NRXN3: variants seen among roughly 807,000 people sequenced by gnomAD.
The protein encoded by NRXN3 is neurexin III.
A neutral mutation model predicts 137.6 loss-of-function variants in NRXN3; 32 were observed. The observed-to-expected ratio is 0.23, with a 90% CI of 0.18 to 0.31. The LOEUF is 0.31. NRXN3 is among the 10% of genes least tolerant of loss of function. The pLI, the probability that NRXN3 is intolerant of heterozygous loss-of-function variation, is 1.00. For missense variants in NRXN3, 1,574 were observed against 2,062.5 expected (o/e 0.76, Z 4.59); for synonymous variants, 798 against 784.5 (o/e 1.02, Z -0.29).
At chr14:79,522,223 G>A (rs2097073134) in intron 16 of NRXN3, among the ~76,000 whole-genome samples, 1 of 152,156 alleles carries the variant, frequency 6.6e-6, no homozygotes, top group African/African-American at 2.4e-5. Flanking sequence ...AGTAGGAGGG[G>A]ATAGAGCAAG....
At chr14:78,630,597 C>CTTTTTTTTTTTTTTTTTTTTTTT (rs370862037) in intron 4 of NRXN3, among the ~76,000 whole-genome samples, 1 of 127,838 alleles carries the variant, frequency 7.8e-6, no homozygotes, top group Admixed American at 8.2e-5. Context: ...TTCTTTCTTT[C>CTTTTTTTTTTTTTTTTTTTTTTT]TTTTTTTTTT....
At chr14:79,070,490 T>C (rs2099686257) in intron 15 of NRXN3, among the ~76,000 whole-genome samples, 1 of 152,200 alleles carries the variant, frequency 6.6e-6, no homozygotes, top group Non-Finnish European at 1.5e-5. Flanking sequence ...TTCAATGCTT[T>C]TTGGAAAATG....
intron 15 of NRXN3, among the ~76,000 whole-genome samples, chr14:79,256,038 G>C (rs918451118): frequency 6.6e-6 from 1 of 152,132 alleles, no homozygotes; most frequent in African/African-American, 2.4e-5. Context: ...GATTGCTTCA[G>C]GGTGAATACT....
In NRXN3 at chr14:79,044,450, G is replaced by C. The variant is rs2099629796; in HGVS notation, c.3262+56309G>C. On this transcript the variant is annotated intron_variant, in intron 15 of 20. Coordinates refer to ENST00000335750, the MANE Select transcript of NRXN3 (RefSeq NM_001330195.2). ...TTAAGTCTCCCTTTTTCATGTGTAA[G>C]ACAAGGGAGAATAATGATTGTACCT... 1.3e-5 allele frequency among the ~76,000 whole-genome samples: 2 copies of C among 152,160 alleles called. 1 individual carries two copies. The highest frequency in any genetic ancestry group is 4.1e-4 in the South Asian group (2 of 4,828).
chr14:79,087,704 A>G (rs530017563), intron 15 of NRXN3, among the ~76,000 whole-genome samples: 26 of 152,216 alleles, frequency 1.7e-4, no homozygotes, highest in South Asian at 1.2e-3. Flanking sequence ...GTTCCATTTA[A>G]CCCAATCAAA....
At chr14:79,141,956 T>G (rs2058823190) in intron 15 of NRXN3, among the ~76,000 whole-genome samples, 1 of 152,130 alleles carries the variant, frequency 6.6e-6, no homozygotes, top group Admixed American at 6.5e-5. Flanking sequence ...ACCATCAGCT[T>G]CTATTGAGAA....
At chr14:78,235,513 A>G (rs553218899) in intron 1 of NRXN3, among the ~76,000 whole-genome samples, 3 of 152,128 alleles carry the variant, frequency 2.0e-5, no homozygotes, top group South Asian at 2.1e-4. Context: ...TCTCTACCAT[A>G]ACAGATCAGT....
chr14:78,498,351 T>C (rs186855504), intron 4 of NRXN3, among the ~76,000 whole-genome samples: 1 of 152,270 alleles, frequency 6.6e-6, no homozygotes, highest in African/African-American at 2.4e-5. Flanking sequence ...GGCTCTTTTG[T>C]TCTGTGGTTT....
chr14:79,264,939 A>G (rs1189604930), intron 15 of NRXN3, among the ~76,000 whole-genome samples: 2 of 152,176 alleles, frequency 1.3e-5, no homozygotes, highest in African/African-American at 4.8e-5. Context: ...ATTTAGTATT[A>G]CATATACACG....
chr14:78,732,105 C>T (rs936229452), intron 8 of NRXN3, among the ~76,000 whole-genome samples: 1 of 152,050 alleles, frequency 6.6e-6, no homozygotes, highest in East Asian at 1.9e-4. Flanking sequence ...CAGAGGCTAC[C>T]CAGGGGATAT....
chr14:79,559,295 CACTT>C (rs1340713626), intron 16 of NRXN3, among the ~76,000 whole-genome samples: 15 of 151,908 alleles, frequency 9.9e-5, no homozygotes, highest in African/African-American at 3.6e-4. Flanking sequence ...CAAGCTTACT[CACTT>C]CTAGCTTTTT....
intron 16 of NRXN3, among the ~76,000 whole-genome samples, chr14:79,527,483 A>G (rs919345416): frequency 1.3e-5 from 2 of 152,050 alleles, no homozygotes; most frequent in African/African-American, 4.8e-5. Context: ...GATAAAAAAT[A>G]TTACGCTGTT....
chr14:79,503,156 C>T (rs924885222), intron 16 of NRXN3, among the ~76,000 whole-genome samples: 1 of 152,084 alleles, frequency 6.6e-6, no homozygotes, highest in African/African-American at 2.4e-5. Context: ...TGATTTTTCC[C>T]TCTGTGTTTT....
intron 19 of NRXN3, among the ~76,000 whole-genome samples, chr14:79,767,547 T>C (rs2099060200): frequency 6.6e-6 from 1 of 152,228 alleles, no homozygotes; most frequent in South Asian, 2.1e-4. Flanking sequence ...TTCTTCCTAA[T>C]AAGTAACATC....
chr14:78,516,271 G>A (rs1316267819), intron 4 of NRXN3, among the ~76,000 whole-genome samples: 1 of 151,284 alleles, frequency 6.6e-6, no homozygotes, highest in African/African-American at 2.4e-5. Context: ...TAAATTCACA[G>A]CCAAATGGCA....
intron 19 of NRXN3, among the ~76,000 whole-genome samples, chr14:79,758,226 A>C (rs938049475): frequency 1.3e-5 from 2 of 152,222 alleles, no homozygotes; most frequent in Admixed American, 6.5e-5. Context: ...TTGCGTTGCT[A>C]TAAAGAAACA....
At chr14:79,333,628 G>T (rs990286164) in intron 15 of NRXN3, among the ~76,000 whole-genome samples, 1 of 152,162 alleles carries the variant, frequency 6.6e-6, no homozygotes, top group African/African-American at 2.4e-5. Flanking sequence ...GGAGGAGATG[G>T]AGAGTTATGC....
chr14:79,605,527 ACC>A (rs1421770463), intron 16 of NRXN3, among the ~76,000 whole-genome samples: 1 of 151,854 alleles, frequency 6.6e-6, no homozygotes, highest in Non-Finnish European at 1.5e-5. Context: ...TTGCTCTGTC[ACC>A]CAGGCTGGAA....
chr14:78,268,597 T>C (rs1378878825), intron 2 of NRXN3, among the ~76,000 whole-genome samples: 2 of 152,186 alleles, frequency 1.3e-5, no homozygotes, highest in Non-Finnish European at 2.9e-5. Context: ...GAAATATTTG[T>C]GGATGGAAGT....
Sources: gnomAD v4.1 joint callset for allele counts (sites outside exome capture counted in the v4.1 genomes callset) on GRCh38, gnomAD v4.1.1 for gene constraint, MANE v1.5 for transcripts, NCBI Gene and HGNC (gene_info 2026-07-23, HGNC 2026-07-21) for gene names.